Variants in DDX10 observed in about 807,000 individuals in gnomAD.
DDX10 encodes the protein DEAD-box helicase 10, also known as probable ATP-dependent RNA helicase DDX10.
Under a neutral mutation model 104.3 loss-of-function variants are expected in DDX10, and 74 were observed. The ratio of observed to expected loss-of-function variants is 0.71; its 90% CI spans 0.59 to 0.86. The LOEUF is 0.86. Among genes scored for constraint, DDX10 ranks in the 40% least tolerant of loss-of-function variants. The probability of loss-of-function intolerance (pLI) is 0.00; values close to 1 mark genes in which losing one functional copy is unlikely to be tolerated. For missense variants in DDX10, 952 were observed against 1,040.0 expected (o/e 0.92, Z 1.16); for synonymous variants, 351 against 353.4 (o/e 0.99, Z 0.08).
intron 6 of DDX10, among the ~76,000 whole-genome samples, chr11:108,686,227 G>A (rs913192662): frequency 5.9e-5 from 9 of 152,104 alleles, no homozygotes; most frequent in African/African-American, 2.2e-4. Flanking sequence ...TTGCTACAAT[G>A]GATGGACCTA....
chr11:108,788,553 G>T lies in DDX10; in HGVS notation c.1966-49893G>T, dbSNP rs187450089. On this transcript the variant is annotated intron_variant, in intron 13 of 17. Coordinates refer to ENST00000322536, the MANE Select transcript of DDX10 (RefSeq NM_004398.4). ...AATTTTTGTATTTTTAGTAGAGATG[G>T]GGTTTCTCCATGTTGGTCAGGCTGG... Among the ~76,000 whole-genome samples, 6 of 152,220 alleles carry T rather than the reference G, an allele frequency of 3.9e-5. No homozygotes were observed. The East Asian group carries it at 5.8e-4, about 15-fold the overall frequency.
chr11:108,827,256 A>G (rs1468265364), intron 13 of DDX10, among the ~76,000 whole-genome samples: 1 of 152,246 alleles, frequency 6.6e-6, no homozygotes, highest in East Asian at 1.9e-4. Flanking sequence ...CAGATAGAAT[A>G]AAAATTGTCT....
chr11:108,834,029 C>T (rs1165981334), intron 13 of DDX10, among the ~76,000 whole-genome samples: 2 of 152,054 alleles, frequency 1.3e-5, no homozygotes, highest in Non-Finnish European at 2.9e-5. Flanking sequence ...GATCACAGCT[C>T]ACTGTAGTCT....
intron 17 of DDX10, among the ~76,000 whole-genome samples, chr11:108,938,231 TA>T (rs1235146073): frequency 2.6e-4 from 39 of 152,382 alleles, no homozygotes; most frequent in African/African-American, 8.4e-4. Flanking sequence ...GATTGCTGCT[TA>T]TTTGCTATAG....
intron 10 of DDX10, among the ~76,000 whole-genome samples, chr11:108,707,163 G>A (rs1401074038): frequency 6.6e-6 from 1 of 152,088 alleles, no homozygotes; most frequent in Admixed American, 6.6e-5. Flanking sequence ...TCTTGGTGGT[G>A]TCCATTCTGT....
At chr11:108,832,048 T>C (rs2134587694) in intron 13 of DDX10, among the ~76,000 whole-genome samples, 1 of 152,300 alleles carries the variant, frequency 6.6e-6, no homozygotes, top group South Asian at 2.1e-4. Flanking sequence ...TAATCTTTCA[T>C]TGTATTTCTT....
At chr11:108,665,527 T>C (rs1469453470) in intron 1 of DDX10, among the ~76,000 whole-genome samples, 188 bp downstream of exon 1, 1 of 151,454 alleles carries the variant, frequency 6.6e-6, no homozygotes, top group East Asian at 1.9e-4. Context: ...GCCACACTGT[T>C]CCTAAAAAAA....
chr11:108,743,754 A>C (rs1368358883), intron 13 of DDX10, among the ~76,000 whole-genome samples: 1 of 152,066 alleles, frequency 6.6e-6, no homozygotes, highest in African/African-American at 2.4e-5. Flanking sequence ...ATGGCTGTGT[A>C]CTTCTTCAGC....
intron 16 of DDX10, among the ~76,000 whole-genome samples, chr11:108,892,483 C>T (rs1355286189): frequency 6.6e-6 from 1 of 152,134 alleles, no homozygotes; most frequent in African/African-American, 2.4e-5. Flanking sequence ...CATATGATTT[C>T]ATATCCTTTG....
intron 13 of DDX10, among the ~76,000 whole-genome samples, chr11:108,831,536 GT>G (rs998283754): frequency 2.6e-5 from 4 of 151,178 alleles, no homozygotes; most frequent in Non-Finnish European, 4.4e-5. Flanking sequence ...TATTTTGTTG[GT>G]TTACTTCACT....
intron 14 of DDX10, among the ~76,000 whole-genome samples, 194 bp downstream of exon 14, chr11:108,838,759 C>T (rs566817944): frequency 3.9e-5 from 6 of 152,256 alleles, no homozygotes; most frequent in Non-Finnish European, 8.8e-5. Context: ...GCCAATAAGC[C>T]GAGATACTTC....
intron 9 of DDX10, among the ~76,000 whole-genome samples, chr11:108,700,517 A>G (rs1439201765): frequency 6.6e-6 from 1 of 152,234 alleles, no homozygotes; most frequent in Non-Finnish European, 1.5e-5. Context: ...AATGCATGAG[A>G]GCCAGTTACT....
At chr11:108,682,167 T>G (rs574654731) in intron 6 of DDX10, among the ~76,000 whole-genome samples, 55 of 152,212 alleles carry the variant, frequency 3.6e-4, no homozygotes, top group African/African-American at 1.3e-3. Flanking sequence ...TGCAGTGGCA[T>G]GATCTCGGGT....
In DDX10 at chr11:108,852,097, G is replaced by T. The variant is rs996374418; in HGVS notation, c.2248-56G>T. On this transcript the variant is annotated intron_variant, in intron 15 of 17. Coordinates refer to ENST00000322536, the MANE Select transcript of DDX10 (RefSeq NM_004398.4). ...GAAATAAAACTGTAATGAATGTGTAGTCTGTTTTATACCTAATTATATGCT... is the reference window on the plus strand; with the variant it reads ...GAAATAAAACTGTAATGAATGTGTATTCTGTTTTATACCTAATTATATGCT... The T allele has an allele frequency of 3.7e-6, 5 of 1,338,192 alleles. No homozygotes were observed. The African/African-American group carries it at 6.0e-5, about 16-fold the overall frequency. 82.9% of individuals were successfully genotyped at this position (1,338,192 alleles called of 1,614,324 possible).
intron 16 of DDX10, among the ~76,000 whole-genome samples, chr11:108,891,502 G>A (rs1430149480): frequency 3.3e-5 from 5 of 152,088 alleles, no homozygotes; most frequent in African/African-American, 1.2e-4. Flanking sequence ...ACTTTCCATC[G>A]TGGACCTTCT....
chr11:108,853,647 T>G (rs2134606987), intron 16 of DDX10, among the ~76,000 whole-genome samples: 1 of 152,208 alleles, frequency 6.6e-6, no homozygotes, highest in African/African-American at 2.4e-5. Flanking sequence ...GTATATTTGG[T>G]TTTAATACTG....
chr11:108,900,353 A>G (rs560791823), intron 16 of DDX10, among the ~76,000 whole-genome samples: 5 of 152,172 alleles, frequency 3.3e-5, no homozygotes, highest in African/African-American at 4.8e-5. Context: ...GGCTAAAATA[A>G]TGGCTTCCTA....
chr11:108,714,930 A>G (rs946495838), intron 10 of DDX10, among the ~76,000 whole-genome samples: 1 of 149,756 alleles, frequency 6.7e-6, no homozygotes, highest in Non-Finnish European at 1.5e-5. Context: ...ATTTTTTATA[A>G]TAAAAATAAG....
chr11:108,803,566 C>T (rs1460682457), intron 13 of DDX10, among the ~76,000 whole-genome samples: 1 of 144,210 alleles, frequency 6.9e-6, no homozygotes, highest in Non-Finnish European at 1.5e-5. Context: ...TGCCCTCTAG[C>T]CTGGGCAACA....
Sources: allele counts gnomAD v4.1 joint callset (sites outside exome capture counted in the v4.1 genomes callset), GRCh38; gene constraint gnomAD v4.1.1; transcripts MANE v1.5; gene names NCBI Gene and HGNC (gene_info 2026-07-23, HGNC 2026-07-21).